PRR12: variants seen among roughly 807,000 people sequenced by gnomAD.
PRR12 encodes the protein proline rich 12.
A neutral mutation model predicts 138.0 loss-of-function variants in PRR12; 12 were observed. That is an observed-to-expected ratio of 0.09 (90% confidence interval 0.06 to 0.14). PRR12 has a LOEUF of 0.14. Among genes scored for constraint, PRR12 ranks in the 10% least tolerant of loss-of-function variants. PRR12 has a pLI of 1.00. For synonymous variants in PRR12, 1,567 were observed against 1,291.7 expected (o/e 1.21, Z -4.57); for missense variants, 2,692 against 2,861.3 (o/e 0.94, Z 1.35).
Position 49,595,567 on chromosome 19 carries a change from C to T in PRR12, c.1232C>T (p.Ser411Leu), listed in dbSNP as rs1348922417. 6 of 1,594,156 alleles carry T rather than the reference C, an allele frequency of 3.8e-6. No individual in the cohort carries two copies. Among genetic ancestry groups the T allele is most frequent in the South Asian group, 3.4e-5 (3 of 88,410 alleles). ...GGATRPPPPR[S>L]TATPKCQSLG... Reference sequence around the variant, plus strand: ...GCCACCAGGCCCCCCCCACCCCGTTCGACCGCCACCCCCAAATGTCAGAGC... The same window carrying T: ...GCCACCAGGCCCCCCCCACCCCGTTTGACCGCCACCCCCAAATGTCAGAGC... The change falls in exon 4 of 14, where the codon TCG (serine) becomes TTG (leucine). Residue 411 changes from serine to leucine, a missense_variant. Ser to Leu is a moderately radical substitution (Grantham distance 145). This residue lies in a region of PRR12 where 523 missense variants were observed against 496.4 expected (regional missense o/e 1.05). Transcript: ENST00000418929.
In PRR12 at chr19:49,595,011, C is replaced by G; in HGVS notation, c.676C>G (p.Pro226Ala). Residue 226 changes from proline (P) to alanine (A), a missense_variant, in exon 4 of 14, where the codon CCT becomes GCT. Pro to Ala is a conservative substitution (Grantham distance 27). Around this residue, in one of 11 missense-constraint regions of PRR12, gnomAD observed 523 missense variants for 496.4 expected, o/e 1.05. Transcript: ENST00000418929. ...PAGLGPAQTP[P>A]YRPGPPDPPP... ...TGGTCTCGGTCCAGCCCAGACCCCC[C>G]CTTACCGCCCTGGCCCCCCAGACCC... The G allele has an allele frequency of 6.2e-7, 1 of 1,600,026 alleles. No homozygotes were observed. Among genetic ancestry groups the G allele is most frequent in the Non-Finnish European group, 8.5e-7 (1 of 1,174,820 alleles).
At position 49,594,412 on chromosome 19, in the gene PRR12, C is replaced by T; in HGVS notation, c.200-42C>T. On this transcript the variant is annotated intron_variant, in intron 2 of 13. Transcript: ENST00000418929. The surrounding 1 kb of genome is among the most constrained non-coding windows in gnomAD (Gnocchi z 5.6). Reference sequence around the variant, plus strand: ...CCCTTTCTCTCTTGACTGTATCCTACCCACCCCCACCTGGCTGACTATAAC... The same window carrying T: ...CCCTTTCTCTCTTGACTGTATCCTATCCACCCCCACCTGGCTGACTATAAC... 1.3e-6 allele frequency: 2 copies of T among 1,494,482 alleles called. No individual in the cohort carries two copies. Among genetic ancestry groups the T allele is most frequent in the Non-Finnish European group, 1.8e-6 (2 of 1,110,782 alleles). The allele number at this position is 1,494,482 out of a possible 1,614,324, so 92.6% of individuals were successfully genotyped here.
intron 11 of PRR12, 39 bp downstream of exon 11, chr19:49,621,661 G>A (rs1233896870): frequency 2.0e-6 from 3 of 1,484,024 alleles, no homozygotes; most frequent in Non-Finnish European, 2.8e-6. Context: ...TGGGGCCCAG[G>A]GTCCACATGG....
At chr19:49,600,015 G>T in intron 5 of PRR12, 77 bp downstream of exon 5, 1 of 1,396,200 alleles carries the variant, frequency 7.2e-7, no homozygotes. Context: ...TGCAGGTTAC[G>T]CACTGTTTAA....
At chr19:49,620,210 C>A in intron 9 of PRR12, 142 bp from the exon 10 acceptor site, 1 of 1,144,784 alleles carries the variant, frequency 8.7e-7, no homozygotes, top group Non-Finnish European at 1.2e-6. Flanking sequence ...CTGGCGCTTG[C>A]CTGTCAATCT....
chr19:49,597,273 C>T lies in PRR12; in HGVS notation c.2938C>T (p.Pro980Ser), dbSNP rs1287014129. ...GGGGGACCCCAAGGCTGGCGCTGGG[C>T]CACCCCCCGGCCCCCCTGCTTATGA... ...DEGDPKAGAG[P>S]PPGPPAYDPY... Residue 980 changes from proline (P) to serine (S), a missense_variant, in exon 4 of 14, where the codon CCA becomes TCA. Around this residue, in one of 11 missense-constraint regions of PRR12, gnomAD observed 840 missense variants for 689.8 expected, o/e 1.22. Coordinates refer to ENST00000418929, the MANE Select transcript of PRR12 (RefSeq NM_020719.3). This position sits in a 1 kb window ranked among gnomAD's most constrained non-coding sequence, Gnocchi z 6.3. 1.9e-6 allele frequency: 3 copies of T among 1,567,654 alleles called. No individual in the cohort carries two copies. The highest frequency in any genetic ancestry group is 2.6e-6 in the Non-Finnish European group (3 of 1,157,858).
chr19:49,615,927 G>T lies in PRR12; in HGVS notation c.5205G>T (p.Leu1735=). 6.4e-7 allele frequency: 1 copy of T among 1,556,890 alleles called. No individual in the cohort carries two copies. The highest frequency in any genetic ancestry group is 1.4e-5 in the African/African-American group (1 of 73,212). ...EPPAPEKPSL[L]RPVEKEKEKE... The stretch of plus-strand genomic sequence containing the variant: ...CTGCCCCCGAGAAGCCCTCCCTCCT[G>T]CGGCCTGTTGAGAAGGAAAAGGAGA... The change falls in exon 9 of 14, where the codon CTG becomes CTT. Residue 1735 remains leucine, a synonymous_variant. Transcript: ENST00000418929.
At chr19:49,615,706 TG>T in intron 8 of PRR12, 40 bp from the exon 9 acceptor site, 2 of 1,543,332 alleles carry the variant, frequency 1.3e-6, no homozygotes, top group Non-Finnish European at 8.9e-7. Flanking sequence ...TTTGGATTAT[TG>T]GGGGCTGCTG....
Position 49,616,314 on chromosome 19 carries a change from A to G in PRR12, c.5497+95A>G. ...GGGCTCCAGGTAGCCTTGGCAGGAC[A>G]GTAAGAACCAGTATGTTACAGATAA... On this transcript the variant is annotated intron_variant, in intron 9 of 13. Transcript: ENST00000418929. This position sits in a 1 kb window ranked among gnomAD's most constrained non-coding sequence, Gnocchi z 4.2. The G allele has an allele frequency of 1.8e-6, 2 of 1,094,584 alleles. No individual in the cohort carries two copies. The highest frequency in any genetic ancestry group is 1.6e-5 in the African/African-American group (1 of 62,704). The allele number at this position is 1,094,584 out of a possible 1,614,324, so 67.8% of individuals were successfully genotyped here.
chr19:49,615,129 C>CAG, intron 8 of PRR12, 120 bp downstream of exon 8: 1 of 1,415,888 alleles, frequency 7.1e-7, no homozygotes, highest in Non-Finnish European at 9.6e-7. Context: ...AGACAGAGCC[C>CAG]AGAGAGAGAG....
Position 49,601,842 on chromosome 19 carries a change from G to A in PRR12, c.4697G>A (p.Gly1566Asp). Reference sequence around the variant, plus strand: ...TGTGGGGAGACGGACGAGGAGGCCGGCGAGAGTGGCGGAGAGGGCATCTTC... The same window carrying A: ...TGTGGGGAGACGGACGAGGAGGCCGACGAGAGTGGCGGAGAGGGCATCTTC... ...AVCGETDEEAGESGGEGIFRE... is the reference protein window; with the variant it reads ...AVCGETDEEADESGGEGIFRE... Residue 1566 changes from glycine to aspartate, a missense_variant, in exon 6 of 14, where the codon GGC (glycine) becomes GAC (aspartate). Gly to Asp is a moderately conservative substitution (Grantham distance 94). Coordinates refer to ENST00000418929, the MANE Select transcript of PRR12 (RefSeq NM_020719.3). 2 of 1,612,842 alleles carry A rather than the reference G, an allele frequency of 1.2e-6. No individual in the cohort carries two copies. The highest frequency in any genetic ancestry group is 1.7e-6 in the Non-Finnish European group (2 of 1,179,878).
intron 6 of PRR12, among the ~76,000 whole-genome samples, chr19:49,613,880 G>A (rs2080878607): frequency 6.6e-6 from 1 of 152,084 alleles, no homozygotes; most frequent in Non-Finnish European, 1.5e-5. Flanking sequence ...AGGCCGAGCC[G>A]GGTGGATCAC....
rs2080726904 is a variant in PRR12 at position 49,591,604 on chromosome 19, C to T, written c.-51C>T. The T allele has an allele frequency of 2.5e-6, 1 of 400,540 alleles. No individual in the cohort carries two copies. Among genetic ancestry groups the T allele is most frequent in the Non-Finnish European group, 4.5e-6 (1 of 222,960 alleles). 24.8% of individuals were successfully genotyped at this position (400,540 alleles called of 1,614,324 possible). A position where few individuals can be genotyped will look rare whatever the true frequency, so the allele number is the denominator to read the frequency against. On this transcript the variant is annotated 5_prime_UTR_variant, in exon 1 of 14. Transcript: ENST00000418929. Reference sequence around the variant, plus strand: ...GCGGAGGAGAGCGCGCGCGCGCCCCCTCCCTCCCTCCCTCCCTCCCCCTCC... The same window carrying T: ...GCGGAGGAGAGCGCGCGCGCGCCCCTTCCCTCCCTCCCTCCCTCCCCCTCC...
In PRR12 at chr19:49,625,703, G is replaced by T; in HGVS notation, c.*96G>T. The T allele has an allele frequency of 6.9e-7, 1 of 1,445,592 alleles. No individual in the cohort carries two copies. Among genetic ancestry groups the T allele is most frequent in the African/African-American group, 1.4e-5 (1 of 70,928 alleles). 89.5% of individuals were successfully genotyped at this position (1,445,592 alleles called of 1,614,324 possible). A position where few individuals can be genotyped will look rare whatever the true frequency, so the allele number is the denominator to read the frequency against. On this transcript the variant is annotated 3_prime_UTR_variant, in exon 14 of 14. Coordinates refer to ENST00000418929, the MANE Select transcript of PRR12 (RefSeq NM_020719.3). The surrounding 1 kb of genome is among the most constrained non-coding windows in gnomAD (Gnocchi z 5.5). ...AGCTAACACCTGGGCTCCATCGCCG[G>T]GGAAAGGGGGTCATGGGTCAGGGTG...
In PRR12 at chr19:49,626,005, C is replaced by CCAG. The variant is rs1429455960; in HGVS notation, c.*399_*400insAGC. On this transcript the variant is annotated 3_prime_UTR_variant, in exon 14 of 14. Transcript: ENST00000418929. ...GGTGGCTTCAGAGAGCTGGGGGACC[C>CCAG]CTTCCCCCCAAGTCCCCCCTGCAGG... is the stretch of plus-strand genomic sequence containing the variant. The CCAG allele has an allele frequency of 1.3e-5, 2 of 157,658 alleles. No individual in the cohort carries two copies. Among genetic ancestry groups the CCAG allele is most frequent in the African/African-American group, 4.8e-5 (2 of 41,658 alleles). 9.8% of individuals were successfully genotyped at this position (157,658 alleles called of 1,614,324 possible). A position where few individuals can be genotyped will look rare whatever the true frequency, so the allele number is the denominator to read the frequency against.
chr19:49,596,356 T>G lies in PRR12; in HGVS notation c.2021T>G (p.Leu674Arg), dbSNP rs896832095. ...GGGGCAGCAGATGCCTCTAAGGGAC[T>G]TGGGGGGAGTGGCGGGGCCGGGGGA... ...EDGAADASKGLGGSGGAGGPP... is the reference protein window; with the variant it reads ...EDGAADASKGRGGSGGAGGPP... The change falls in exon 4 of 14, where the codon CTT becomes CGT. Residue 674 changes from leucine (L) to arginine (R), a missense_variant. By Grantham distance (102) the Leu-to-Arg change is moderately radical. Coordinates refer to ENST00000418929, the MANE Select transcript of PRR12 (RefSeq NM_020719.3). This position sits in a 1 kb window ranked among gnomAD's most constrained non-coding sequence, Gnocchi z 5.6. The G allele has an allele frequency of 1.2e-6, 2 of 1,609,344 alleles. No individual in the cohort carries two copies. The highest frequency in any genetic ancestry group is 1.7e-6 in the Non-Finnish European group (2 of 1,179,506).
Position 49,596,301 on chromosome 19 carries a change from T to G in PRR12, c.1966T>G (p.Ser656Ala). The change falls in exon 4 of 14, where the codon TCA becomes GCA. Residue 656 changes from serine (S) to alanine (A), a missense_variant. Coordinates refer to ENST00000418929, the MANE Select transcript of PRR12 (RefSeq NM_020719.3). The surrounding 1 kb of genome is among the most constrained non-coding windows in gnomAD (Gnocchi z 5.6). ...GCAGGCGCCCAGCCCTCCTCGGACCTCAGGGGCGGACGGCTTGGTGGGCGA... is the reference window on the plus strand; with the variant it reads ...GCAGGCGCCCAGCCCTCCTCGGACCGCAGGGGCGGACGGCTTGGTGGGCGA... ...LLQAPSPPRT[S>A]GADGLVGEDG... is the part of the protein sequence containing the mutation. 6.2e-7 allele frequency: 1 copy of G among 1,611,226 alleles called. No individual in the cohort carries two copies. The highest frequency in any genetic ancestry group is 1.1e-5 in the South Asian group (1 of 90,994).
In PRR12 at chr19:49,595,486, T is replaced by G. The variant is rs1188305362; in HGVS notation, c.1151T>G (p.Ile384Ser). The change falls in exon 4 of 14, where the codon ATT becomes AGT. Residue 384 changes from isoleucine (I) to serine (S), a missense_variant. Ile to Ser is a moderately radical substitution (Grantham distance 142). Around this residue, in one of 11 missense-constraint regions of PRR12, gnomAD observed 523 missense variants for 496.4 expected, o/e 1.05. Transcript: ENST00000418929. ...GGGGGGYRPI[I>S]QSPGYKTGKG... ...GGTGGTGGAGGTTACCGCCCCATCA[T>G]TCAGTCGCCTGGGTACAAGACGGGC... The G allele has an allele frequency of 1.3e-6, 2 of 1,554,132 alleles. No homozygotes were observed. Among genetic ancestry groups the G allele is most frequent in the Admixed American group, 3.9e-5 (2 of 51,662 alleles).
At chr19:49,622,968 GAGAGAGAT>G (rs2080933590) in intron 11 of PRR12, among the ~76,000 whole-genome samples, 2 of 143,806 alleles carry the variant, frequency 1.4e-5, no homozygotes, top group African/African-American at 2.7e-5. Context: ...AAGAGAGAGA[GAGAGAGAT>G]ATTAATATGA....
Sources: gnomAD v4.1 joint callset for allele counts (sites outside exome capture counted in the v4.1 genomes callset) on GRCh38, gnomAD v4.1.1 for gene constraint, gnomAD v4.1.1 regional missense constraint, Gnocchi (gnomAD v3.1) non-coding constraint, MANE v1.5 for transcripts, NCBI Gene and HGNC (gene_info 2026-07-23, HGNC 2026-07-21) for gene names.